Variants in GTF3C2 observed in about 807,000 individuals in gnomAD.
The protein encoded by GTF3C2 is general transcription factor IIIC subunit 2.
Under a neutral mutation model 117.4 loss-of-function variants are expected in GTF3C2, and 17 were observed. That is an observed-to-expected ratio of 0.14 (90% CI 0.10 to 0.22). The LOEUF (loss-of-function observed/expected upper bound fraction) is 0.22, where lower values mean the gene tolerates loss of function less well. Among genes scored for constraint, GTF3C2 ranks in the 10% least tolerant of loss-of-function variants. The pLI is 1.00. For synonymous variants in GTF3C2, 437 were observed against 427.0 expected, an observed-to-expected ratio of 1.02 and a Z score of -0.29; for missense variants, 888 against 1,143.6, an observed-to-expected ratio of 0.78 and a Z score of 3.22.
rs752944262 is a variant in GTF3C2, at chr2:27,346,321, T to A, written c.-24-2743A>T. ...TTATAGGTGTTAGCCACCGTGCCCATTCTGATACCTTTTTTTTTTTTTTTT... is the reference window on the plus strand; with the variant it reads ...TTATAGGTGTTAGCCACCGTGCCCAATCTGATACCTTTTTTTTTTTTTTTT... On this transcript the variant is annotated intron_variant, in intron 1 of 18. Coordinates refer to ENST00000264720, the Ensembl canonical transcript of GTF3C2. 1.1e-4 allele frequency among the ~76,000 whole-genome samples: 16 copies of A among 140,002 alleles called. No individual in the cohort carries two copies. The Middle Eastern group carries it at 0.021, about 181-fold the overall frequency. 91.8% of individuals were successfully genotyped at this position (140,002 alleles called of 152,430 possible). A position where few individuals can be genotyped will look rare whatever the true frequency, so the allele number is the denominator to read the frequency against.
In GTF3C2 at chr2:27,343,294, G is replaced by A. The variant is rs761864355; in HGVS notation, c.247+14C>T. On this transcript the variant is annotated intron_variant, in intron 2 of 18. Transcript: ENST00000264720. ...GGCATGGGGAATAAAAAGATAAGAG[G>A]ACAAGGTACATACCTGGCTGTTCCA... The A allele has an allele frequency of 2.5e-6, 4 of 1,610,820 alleles. No homozygotes were observed. The highest frequency in any genetic ancestry group is 1.7e-4 in the Middle Eastern group (1 of 6,006).
chr2:27,330,140 C>CAAAA (rs35471821), intron 12 of GTF3C2, among the ~76,000 whole-genome samples: 6 of 84,258 alleles, frequency 7.1e-5, no homozygotes, highest in Admixed American at 4.1e-4. Context: ...GACTCCGTCT[C>CAAAA]AAAAAAAAAA....
intron 16 of GTF3C2, 102 bp from the exon 17 acceptor site, chr2:27,328,291 G>T (rs2148243026): frequency 9.5e-7 from 1 of 1,050,222 alleles, no homozygotes; most frequent in Non-Finnish European, 1.4e-6. Context: ...GAAAAAAGTA[G>T]TATCTTTAAA....
At chr2:27,342,417 C>G in intron 3 of GTF3C2, 184 bp from the exon 4 acceptor site, 1 of 591,134 alleles carries the variant, frequency 1.7e-6, no homozygotes, top group East Asian at 2.8e-5. Context: ...GTGACTTGGC[C>G]GAGATGACTG....
At chr2:27,347,229 C>T (rs1298235799) in intron 1 of GTF3C2, among the ~76,000 whole-genome samples, 1 of 152,132 alleles carries the variant, frequency 6.6e-6, no homozygotes, top group Non-Finnish European at 1.5e-5. Context: ...GATGGGACCC[C>T]GCCCCCCACA....
rs1012679536 is a variant in GTF3C2, at chr2:27,346,783, C to T, written c.-24-3205G>A. 2.6e-5 allele frequency among the ~76,000 whole-genome samples: 4 copies of T among 152,152 alleles called. No individual in the cohort carries two copies. The East Asian group carries it at 7.7e-4, about 29-fold the overall frequency. The stretch of plus-strand genomic sequence containing the variant: ...GATCACAGCTCACTGCAGCCACTAA[C>T]TCCTGGGTTCAAACAGTCCTCCCTC... On this transcript the variant is annotated intron_variant, in intron 1 of 18. Coordinates refer to ENST00000264720, the Ensembl canonical transcript of GTF3C2.
At chr2:27,350,979 A>G (rs898305439) in intron 1 of GTF3C2, among the ~76,000 whole-genome samples, 6 of 150,522 alleles carry the variant, frequency 4.0e-5, no homozygotes, top group Non-Finnish European at 8.9e-5. Flanking sequence ...AGCTGAGTGT[A>G]GTGGCATGCA....
intron 1 of GTF3C2, chr2:27,356,036 G>C (rs920817938): frequency 8.7e-6 from 10 of 1,148,058 alleles, no homozygotes; most frequent in East Asian, 1.2e-4. Flanking sequence ...TGATGGCACG[G>C]GATTGACTTA....
At chr2:27,341,894 G>C (rs1355099928) in intron 4 of GTF3C2, 54 bp downstream of exon 4, 18 of 1,440,682 alleles carry the variant, frequency 1.2e-5, no homozygotes, top group Non-Finnish European at 7.7e-6. Context: ...GTACCTTGCT[G>C]GTCCCCTAAA....
exon 19 of GTF3C2, chr2:27,326,271 A>G (rs1457362527): frequency 3.6e-5 from 17 of 473,658 alleles, no homozygotes; most frequent in Non-Finnish European, 1.3e-5. Flanking sequence ...ATAGTCAGAC[A>G]GGAGCCTTCA....
At position 27,337,336 on chromosome 2, in the gene GTF3C2, G is replaced by C. The variant is rs753324970; in HGVS notation, c.1035C>G (p.Ala345=). ...TCTCCTCCTGGGGCAGGTAGGGAGC[G>C]GCCTCACTGGGGGAAGACAAAGGGA... The change falls in exon 7 of 19, where the codon GCC becomes GCG. Residue 345 remains alanine, a synonymous_variant. Transcript: ENST00000264720. 6 of 1,606,394 alleles carry C rather than the reference G, an allele frequency of 3.7e-6. No individual in the cohort carries two copies. The East Asian group carries it at 1.3e-4, about 36-fold the overall frequency.
exon 19 of GTF3C2, chr2:27,326,096 G>GT (rs1281531363): frequency 2.4e-6 from 1 of 416,424 alleles, no homozygotes; most frequent in East Asian, 7.2e-5. Context: ...GCAGGAGCAA[G>GT]TAAGATCTGA....
intron 17 of GTF3C2, 141 bp from the exon 18 acceptor site, chr2:27,327,425 A>C (rs1475775067): frequency 2.1e-6 from 1 of 469,690 alleles, no homozygotes; most frequent in Non-Finnish European, 3.8e-6. Context: ...TCCCAGGTTC[A>C]AGTGATTCTC....
Position 27,342,566 on chromosome 2 carries a change from A to G in GTF3C2, c.569+260T>C. The G allele has an allele frequency of 5.4e-6, 3 of 556,444 alleles. No homozygotes were observed. The South Asian group carries it at 7.1e-5, about 13-fold the overall frequency. The allele number at this position is 556,444 out of a possible 1,614,324, so 34.5% of individuals were successfully genotyped here. ...ATATACTGACATATACTGGACAGTA[A>G]AACAATAAAGAGCTGGGTAAAGTTT... On this transcript the variant is annotated intron_variant, in intron 3 of 18. Transcript: ENST00000264720.
At chr2:27,346,349 T>A (rs1680916449) in intron 1 of GTF3C2, among the ~76,000 whole-genome samples, 1 of 44,652 alleles carries the variant, frequency 2.2e-5, no homozygotes. Context: ...TTTTTTTTTT[T>A]TTTTTTTTTT....
intron 4 of GTF3C2, chr2:27,338,303 A>C (rs1680570535): frequency 2.5e-6 from 1 of 396,714 alleles, no homozygotes; most frequent in Non-Finnish European, 4.7e-6. Flanking sequence ...TGCCTCTTTG[A>C]AACTCCCGCC....
exon 2 of GTF3C2, chr2:27,343,468 C>T (rs1437093470): frequency 6.2e-7 from 1 of 1,614,148 alleles, no homozygotes; most frequent in East Asian, 2.2e-5. Context: ...GATTTAGCAC[C>T]TCTTGTCCAG....
intron 1 of GTF3C2, among the ~76,000 whole-genome samples, chr2:27,345,284 G>C (rs1171153701): frequency 6.6e-6 from 1 of 151,030 alleles, no homozygotes. Flanking sequence ...ATAAATAAAT[G>C]AATTTATTTT....
chr2:27,328,647 G>A (rs1156512441), intron 15 of GTF3C2, 51 bp from the exon 16 acceptor site: 1 of 1,491,366 alleles, frequency 6.7e-7, no homozygotes, highest in African/African-American at 1.4e-5. Context: ...TCAGAGCTAT[G>A]AACTGGTAAC....
Sources: allele counts gnomAD v4.1 joint callset (sites outside exome capture counted in the v4.1 genomes callset), GRCh38; gene constraint gnomAD v4.1.1; transcripts MANE v1.5; gene names NCBI Gene and HGNC (gene_info 2026-07-23, HGNC 2026-07-21).